The following RAB3C variants were observed in gnomAD, a reference collection of about 807,000 sequenced individuals.
RAB3C encodes the protein RAB3C, member RAS oncogene family.
A neutral mutation model predicts 26.4 loss-of-function variants in RAB3C; 17 were observed. The ratio of observed to expected loss-of-function variants is 0.64; its 90% CI spans 0.44 to 0.97. The LOEUF is 0.97. RAB3C is among the 50% of genes least tolerant of loss of function. The pLI is 0.00. For synonymous variants in RAB3C, 91 were observed against 95.9 expected, an observed-to-expected ratio of 0.95 and a Z score of 0.30; for missense variants, 242 against 281.9, an observed-to-expected ratio of 0.86 and a Z score of 1.01.
chr5:58,706,889 C>A (rs747976891), intron 2 of RAB3C, among the ~76,000 whole-genome samples: 1 of 152,164 alleles, frequency 6.6e-6, no homozygotes, highest in Admixed American at 6.5e-5. Context: ...GTTTTCATCC[C>A]GTTGCCAAAG....
At position 58,648,663 on chromosome 5, in the gene RAB3C, T is replaced by C. The variant is rs147700503; in HGVS notation, c.252+30793T>C. Reference sequence around the variant, plus strand: ...AGAGAGACAAGTCTGAACTTAGAATTTGCTCATCTTTATCAGTGTAAAATA... The same window carrying C: ...AGAGAGACAAGTCTGAACTTAGAATCTGCTCATCTTTATCAGTGTAAAATA... On this transcript the variant is annotated intron_variant, in intron 2 of 4. Transcript: ENST00000282878. Among the ~76,000 whole-genome samples the C allele has an allele frequency of 2.6e-3, 398 of 152,298 alleles. 3 individuals are homozygous for C. Among genetic ancestry groups the C allele is most frequent in the East Asian group, 0.015 (79 of 5,180 alleles).
chr5:58,833,487 A>G (rs980702146), intron 4 of RAB3C, among the ~76,000 whole-genome samples: 2 of 152,110 alleles, frequency 1.3e-5, no homozygotes, highest in African/African-American at 4.8e-5. Context: ...GTCTCACCCA[A>G]TTGTGTTAAA....
At chr5:58,587,723 T>C (rs1296556672) in intron 1 of RAB3C, among the ~76,000 whole-genome samples, 1 of 152,154 alleles carries the variant, frequency 6.6e-6, no homozygotes, top group Non-Finnish European at 1.5e-5. Flanking sequence ...TTTTCCTAAT[T>C]AATATACCTA....
intron 1 of RAB3C, among the ~76,000 whole-genome samples, chr5:58,584,775 T>G (rs984258964): frequency 6.6e-6 from 1 of 152,120 alleles, no homozygotes; most frequent in African/African-American, 2.4e-5. Context: ...AAACTATGTA[T>G]GCACTGATAT....
intron 2 of RAB3C, among the ~76,000 whole-genome samples, chr5:58,621,903 AG>A (rs1489979809): frequency 6.6e-6 from 1 of 152,206 alleles, no homozygotes; most frequent in Non-Finnish European, 1.5e-5. Context: ...TGGGTCAGGA[AG>A]GAAGAGCCTG....
chr5:58,676,836 T>A (rs1173382942), intron 2 of RAB3C, among the ~76,000 whole-genome samples: 1 of 152,194 alleles, frequency 6.6e-6, no homozygotes, highest in Non-Finnish European at 1.5e-5. Flanking sequence ...AAAAAAGTTT[T>A]AGGTACTCAA....
intron 2 of RAB3C, among the ~76,000 whole-genome samples, chr5:58,652,376 T>C (rs940245915): frequency 2.6e-5 from 4 of 151,920 alleles, no homozygotes; most frequent in African/African-American, 4.8e-5. Flanking sequence ...CTACAATCAA[T>C]TTATATTCTC....
intron 3 of RAB3C, among the ~76,000 whole-genome samples, chr5:58,818,692 G>A (rs137986344): frequency 6.6e-6 from 1 of 152,288 alleles, no homozygotes; most frequent in African/African-American, 2.4e-5. Flanking sequence ...CAGTGATTCA[G>A]AAATAAATCA....
At chr5:58,582,452 A>C (rs1252748574), upstream of RAB3C, 1 of 984,038 alleles carries the variant, frequency 1.0e-6, no homozygotes, top group Non-Finnish European at 1.2e-6. Flanking sequence ...GTGCTTAGCC[A>C]GAAATCTCGC....
At chr5:58,742,865 G>A (rs1741306737) in intron 3 of RAB3C, among the ~76,000 whole-genome samples, 1 of 151,998 alleles carries the variant, frequency 6.6e-6, no homozygotes, top group Non-Finnish European at 1.5e-5. Flanking sequence ...CCTTAAGCTG[G>A]GAGGAAAATT....
At chr5:58,672,607 T>C (rs766636440) in intron 2 of RAB3C, among the ~76,000 whole-genome samples, 5 of 152,160 alleles carry the variant, frequency 3.3e-5, no homozygotes, top group African/African-American at 9.7e-5. Context: ...GGACTTCTGG[T>C]TGGTTGGTTG....
At chr5:58,706,257 G>C (rs998020416) in intron 2 of RAB3C, among the ~76,000 whole-genome samples, 3 of 152,120 alleles carry the variant, frequency 2.0e-5, no homozygotes, top group Non-Finnish European at 1.5e-5. Flanking sequence ...TTGTAGGACA[G>C]TAGCATCGGA....
At chr5:58,690,561 G>A (rs1748550655) in intron 2 of RAB3C, among the ~76,000 whole-genome samples, 1 of 152,094 alleles carries the variant, frequency 6.6e-6, no homozygotes, top group African/African-American at 2.4e-5. Context: ...CTGTCAGCTG[G>A]ATTCTTTAAT....
In RAB3C at chr5:58,583,144, T is replaced by C. The variant is rs1745938744; in HGVS notation, c.-65T>C. On this transcript the variant is annotated 5_prime_UTR_variant, in exon 1 of 5. Transcript: ENST00000282878. ...TGTGGAGCGTGGAGCGCCGGGACTGTGCACGCTTGACCGGAAGCCCAGACC... is the reference window on the plus strand; with the variant it reads ...TGTGGAGCGTGGAGCGCCGGGACTGCGCACGCTTGACCGGAAGCCCAGACC... The C allele has an allele frequency of 1.9e-6, 3 of 1,612,734 alleles. No individual in the cohort carries two copies. The highest frequency in any genetic ancestry group is 2.5e-6 in the Non-Finnish European group (3 of 1,179,704).
intron 2 of RAB3C, among the ~76,000 whole-genome samples, chr5:58,650,669 T>C (rs1214322990): frequency 6.6e-6 from 1 of 152,192 alleles, no homozygotes; most frequent in African/African-American, 2.4e-5. Flanking sequence ...TACTCCTGTA[T>C]AAATACATAT....
intron 3 of RAB3C, among the ~76,000 whole-genome samples, chr5:58,793,514 G>A (rs1742576150): frequency 6.9e-6 from 1 of 145,046 alleles, no homozygotes; most frequent in Non-Finnish European, 1.5e-5. Context: ...CCAAGATCGT[G>A]CCGCTGCACT....
chr5:58,607,778 A>C (rs1746605057), intron 1 of RAB3C, among the ~76,000 whole-genome samples: 1 of 152,204 alleles, frequency 6.6e-6, no homozygotes, highest in East Asian at 1.9e-4. Context: ...TAAAGAAAAG[A>C]ATTTTCATCC....
chr5:58,717,243 A>G (rs1293647067), intron 2 of RAB3C, among the ~76,000 whole-genome samples: 1 of 152,080 alleles, frequency 6.6e-6, no homozygotes, highest in African/African-American at 2.4e-5. Flanking sequence ...AAATCTGACT[A>G]TATTCTCAGC....
chr5:58,656,892 C>T (rs1037716910), intron 2 of RAB3C, among the ~76,000 whole-genome samples: 2 of 152,130 alleles, frequency 1.3e-5, no homozygotes, highest in African/African-American at 4.8e-5. Context: ...GGGTATCTAC[C>T]CAGAGGAAAA....
Sources: gnomAD v4.1 joint callset for allele counts (sites outside exome capture counted in the v4.1 genomes callset) on GRCh38, gnomAD v4.1.1 for gene constraint, MANE v1.5 for transcripts, NCBI Gene and HGNC (gene_info 2026-07-23, HGNC 2026-07-21) for gene names.